Variants in TPRG1 observed in about 807,000 individuals in gnomAD.
The protein encoded by TPRG1 is tumor protein p63-regulated gene 1 protein.
In TPRG1, 29 loss-of-function variants were observed where a neutral mutation model predicts 29.3. The observed-to-expected ratio is 0.99, with a 90% confidence interval of 0.74 to 1.35. The LOEUF is 1.35. Ranked by LOEUF, TPRG1 falls within the 40% of genes most tolerant of loss-of-function variation. The pLI, the probability that TPRG1 is intolerant of heterozygous loss-of-function variation, is 0.00. For synonymous variants in TPRG1, 130 were observed against 116.8 expected (o/e 1.11, Z -0.73); for missense variants, 327 against 335.0 (o/e 0.98, Z 0.19).
In TPRG1 at chr3:189,198,931, A is replaced by G. The variant is rs114603621; in HGVS notation, c.-9-8445A>G. ...TCTAGTCAATATCTTTGTCTTTATC[A>G]TTTTCTTCTTTATGTATTTTTTGAG... On this transcript the variant is annotated intron_variant, in intron 1 of 5. Coordinates refer to ENST00000345063, the MANE Select transcript of TPRG1 (RefSeq NM_198485.4). 5.2e-3 allele frequency among the ~76,000 whole-genome samples: 786 copies of G among 152,260 alleles called. 7 individuals are homozygous for G. Among genetic ancestry groups the G allele is most frequent in the African/African-American group, 0.018 (767 of 41,532 alleles).
In TPRG1 at chr3:189,207,536, C is replaced by A. The variant is rs775767344; in HGVS notation, c.152C>A (p.Thr51Asn). ...ISRQSSVTES[T>N]LYPNPYHQPY... is the part of the protein sequence containing the mutation. ...AGGCAGTCAAGTGTGACCGAATCAA[C>A]TCTTTACCCCAATCCTTATCATCAG... Residue 51 changes from threonine to asparagine, a missense_variant, in exon 2 of 6, where the codon ACT becomes AAT. Coordinates refer to ENST00000345063, the MANE Select transcript of TPRG1 (RefSeq NM_198485.4). 17 of 1,614,092 alleles carry A rather than the reference C, an allele frequency of 1.1e-5. No individual in the cohort carries two copies. The highest frequency in any genetic ancestry group is 1.4e-5 in the Non-Finnish European group (17 of 1,179,974).
intron 4 of TPRG1, among the ~76,000 whole-genome samples, chr3:189,063,448 A>G (rs1716245206): frequency 6.6e-6 from 1 of 152,138 alleles, no homozygotes; most frequent in South Asian, 2.1e-4. Context: ...AACTCCACAC[A>G]ATAGCAGAAT....
chr3:189,180,636 G>C (rs1730083535), intron 1 of TPRG1, among the ~76,000 whole-genome samples: 1 of 152,230 alleles, frequency 6.6e-6, no homozygotes, highest in African/African-American at 2.4e-5. Context: ...GTCTTAGACA[G>C]CTCCATCCCT....
intron 3 of TPRG1, among the ~76,000 whole-genome samples, chr3:189,017,089 G>C (rs1712976158): frequency 6.6e-6 from 1 of 150,926 alleles, no homozygotes; most frequent in African/African-American, 2.4e-5. Context: ...TTGTAGATTT[G>C]GTATCTTTTC....
Position 189,048,583 on chromosome 3 carries a change from A to G in TPRG1, c.-463+24637A>G, listed in dbSNP as rs180899982. Among the ~76,000 whole-genome samples, 460 of 152,286 alleles carry G rather than the reference A, an allele frequency of 3.0e-3. 2 individuals are homozygous for G. Among genetic ancestry groups the G allele is most frequent in the Non-Finnish European group, 4.7e-3 (323 of 68,024 alleles). ...GTCCTAGTTGGCATCTTTTTCCAAT[A>G]GAAGGCTGTTTTTTTTCTACCTTGG... On this transcript the variant is annotated intron_variant, in intron 4 of 10. Transcript: ENST00000433971.
At chr3:189,122,815 C>T (rs1450993621) in intron 1 of TPRG1, among the ~76,000 whole-genome samples, 2 of 152,196 alleles carry the variant, frequency 1.3e-5, no homozygotes, top group African/African-American at 4.8e-5. Context: ...ATAAGAAATA[C>T]AGAGATTATC....
chr3:189,256,087 T>C (rs932421486), intron 4 of TPRG1, among the ~76,000 whole-genome samples: 1 of 152,318 alleles, frequency 6.6e-6, no homozygotes, highest in East Asian at 1.9e-4. Flanking sequence ...CTTCTCTAAG[T>C]CTTTTAATTG....
chr3:189,145,946 C>T (rs1725207227), intron 3 of TPRG1, among the ~76,000 whole-genome samples: 2 of 152,144 alleles, frequency 1.3e-5, no homozygotes, highest in South Asian at 2.1e-4. Context: ...CTGATATCTT[C>T]ATATATATGA....
At chr3:189,007,232 C>A (rs1360080887) in intron 3 of TPRG1, among the ~76,000 whole-genome samples, 1 of 151,734 alleles carries the variant, frequency 6.6e-6, no homozygotes, top group Non-Finnish European at 1.5e-5. Flanking sequence ...AAAAAGTGGG[C>A]GAAGGACATG....
chr3:189,245,706 A>C (rs1163912725), intron 4 of TPRG1, among the ~76,000 whole-genome samples: 1 of 152,070 alleles, frequency 6.6e-6, no homozygotes, highest in African/African-American at 2.4e-5. Context: ...AATGCTATTT[A>C]GATTATATAT....
chr3:189,239,167 G>A (rs1740080493), intron 4 of TPRG1, among the ~76,000 whole-genome samples: 1 of 152,170 alleles, frequency 6.6e-6, no homozygotes, highest in South Asian at 2.1e-4. Flanking sequence ...AAGGTTTATT[G>A]AACTGACAGT....
chr3:189,284,221 T>C (rs1717644693), intron 4 of TPRG1, among the ~76,000 whole-genome samples: 1 of 152,092 alleles, frequency 6.6e-6, no homozygotes, highest in African/African-American at 2.4e-5. Flanking sequence ...TTTATTATAC[T>C]TTAAGTTTTG....
At chr3:189,154,669 C>T (rs1418699532) in intron 5 of TPRG1, among the ~76,000 whole-genome samples, 4 of 152,120 alleles carry the variant, frequency 2.6e-5, no homozygotes, top group Non-Finnish European at 4.4e-5. Context: ...TCTCAAACTC[C>T]TGACCTCAGG....
At chr3:189,162,291 C>A (rs1727593475) in intron 5 of TPRG1, among the ~76,000 whole-genome samples, 1 of 152,082 alleles carries the variant, frequency 6.6e-6, no homozygotes, top group African/African-American at 2.4e-5. Context: ...TCGCACCCAG[C>A]CGAAGAAGGA....
chr3:189,235,459 G>A (rs1243614354), intron 3 of TPRG1, among the ~76,000 whole-genome samples: 1 of 152,054 alleles, frequency 6.6e-6, no homozygotes, highest in African/African-American at 2.4e-5. Context: ...TGTAGGACTA[G>A]GCATGGAATG....
At chr3:189,083,287 C>T (rs76429348) in intron 4 of TPRG1, among the ~76,000 whole-genome samples, 11,790 of 152,184 alleles carry the variant, frequency 0.077, 648 homozygotes, top group Non-Finnish European at 0.12. Context: ...CATAGGGATT[C>T]GGCTGCTAAT....
chr3:189,312,065 A>G lies in TPRG1; in HGVS notation c.633+1526A>G, dbSNP rs73184467. Among the ~76,000 whole-genome samples, 1,363 of 151,264 alleles carry G rather than the reference A, an allele frequency of 9.0e-3. 16 individuals carry two copies. Among genetic ancestry groups the G allele is most frequent in the Non-Finnish European group, 0.015 (994 of 67,930 alleles). ...TCTGTTTCAAAAATTATTGTTAACAATGCAGAACACTTTATGTTTCTTTCT... is the reference window on the plus strand; with the variant it reads ...TCTGTTTCAAAAATTATTGTTAACAGTGCAGAACACTTTATGTTTCTTTCT... On this transcript the variant is annotated intron_variant, in intron 5 of 5. Transcript: ENST00000345063.
intron 4 of TPRG1, among the ~76,000 whole-genome samples, chr3:189,065,604 C>A (rs958957272): frequency 2.6e-5 from 4 of 151,088 alleles, no homozygotes; most frequent in Non-Finnish European, 5.9e-5. Flanking sequence ...AAATATTTCA[C>A]AATATCAAAC....
chr3:189,032,230 G>A (rs931160191), intron 4 of TPRG1, among the ~76,000 whole-genome samples: 1 of 152,188 alleles, frequency 6.6e-6, no homozygotes, highest in Non-Finnish European at 1.5e-5. Context: ...TGTGATGACT[G>A]AAGCAGAGGT....
Sources: gnomAD v4.1 joint callset for allele counts (sites outside exome capture counted in the v4.1 genomes callset) on GRCh38, gnomAD v4.1.1 for gene constraint, MANE v1.5 for transcripts, NCBI Gene and HGNC (gene_info 2026-07-23, HGNC 2026-07-21) for gene names.